Variants in LDB2 observed in about 807,000 individuals in gnomAD.
The protein encoded by LDB2 is LIM domain binding 2.
In LDB2, 12 loss-of-function variants were observed where a neutral mutation model predicts 44.3. That is an observed-to-expected ratio of 0.27 (90% CI 0.17 to 0.44). The LOEUF is 0.44. Ranked by LOEUF, LDB2 falls within the 20% of genes least tolerant of loss-of-function variation. The pLI is 1.00. For missense variants in LDB2, 344 were observed against 473.5 expected (o/e 0.73, Z 2.54); for synonymous variants, 164 against 174.8 (o/e 0.94, Z 0.49).
chr4:16,569,838 A>C (rs1247470016), intron 5 of LDB2, among the ~76,000 whole-genome samples: 1 of 152,142 alleles, frequency 6.6e-6, no homozygotes, highest in African/African-American at 2.4e-5. Context: ...TAGCTGTCTT[A>C]TTTTACAGAT....
intron 5 of LDB2, among the ~76,000 whole-genome samples, chr4:16,545,651 A>G (rs1326080839): frequency 3.3e-5 from 5 of 152,210 alleles, no homozygotes; most frequent in African/African-American, 1.2e-4. Context: ...ATTTGCCAAA[A>G]ATTCATGCAA....
At chr4:16,610,799 T>C (rs1006539124) in intron 2 of LDB2, among the ~76,000 whole-genome samples, 7 of 152,116 alleles carry the variant, frequency 4.6e-5, no homozygotes, top group Non-Finnish European at 7.3e-5. Context: ...CTTCACAATA[T>C]TATCCAGGAG....
intron 2 of LDB2, among the ~76,000 whole-genome samples, chr4:16,693,700 C>G (rs1995615): frequency 0.084 from 12,843 of 152,254 alleles, 740 homozygotes; most frequent in East Asian, 0.2. Flanking sequence ...AAGAGGGACA[C>G]AGTGATGCAG....
At chr4:16,699,559 T>A (rs114747694) in intron 2 of LDB2, among the ~76,000 whole-genome samples, 3,630 of 152,300 alleles carry the variant, frequency 0.024, 155 homozygotes, top group African/African-American at 0.083. Flanking sequence ...AATAGATATA[T>A]ATTCACATGG....
At chr4:16,639,568 T>C (rs1734579658) in intron 2 of LDB2, among the ~76,000 whole-genome samples, 1 of 152,196 alleles carries the variant, frequency 6.6e-6, no homozygotes, top group Non-Finnish European at 1.5e-5. Flanking sequence ...TTCAAGCAAC[T>C]CTATTGCCTC....
In LDB2 at chr4:16,842,428, TAAAA is replaced by T. The variant is rs199547513; in HGVS notation, c.132+55922_132+55925del. 1.2e-4 allele frequency among the ~76,000 whole-genome samples: 18 copies of T among 149,942 alleles called. No individual in the cohort carries two copies. The South Asian group carries it at 3.6e-3, about 30-fold the overall frequency. ...CTTATTCAGTACATTTTCTGTAAAT[TAAAA>T]AAAAAATCCATGCTCTAAACAGTTA... On this transcript the variant is annotated intron_variant, in intron 1 of 7. Transcript: ENST00000304523.
chr4:16,705,563 T>A (rs188068447), intron 2 of LDB2, among the ~76,000 whole-genome samples: 1 of 152,216 alleles, frequency 6.6e-6, no homozygotes, highest in Non-Finnish European at 1.5e-5. Context: ...CCAGCCTGCC[T>A]GCGCTTAGTA....
chr4:16,692,754 G>A (rs542740327), intron 2 of LDB2, among the ~76,000 whole-genome samples: 1 of 152,198 alleles, frequency 6.6e-6, no homozygotes, highest in African/African-American at 2.4e-5. Flanking sequence ...GAAACCATTC[G>A]CAGTCCATGA....
intron 2 of LDB2, among the ~76,000 whole-genome samples, chr4:16,614,572 AG>A (rs1726607724): frequency 8.3e-6 from 1 of 119,972 alleles, no homozygotes; most frequent in East Asian, 3.6e-4. Flanking sequence ...CACATTTACA[AG>A]AAAAAACAAA....
chr4:16,557,301 T>C (rs1351298052), intron 5 of LDB2, among the ~76,000 whole-genome samples: 7 of 152,180 alleles, frequency 4.6e-5, no homozygotes, highest in African/African-American at 1.7e-4. Context: ...GAGTTCCCTT[T>C]CTTAGTCAAA....
chr4:16,586,505 C>A (rs866100624), intron 4 of LDB2, among the ~76,000 whole-genome samples: 2 of 101,678 alleles, frequency 2.0e-5, no homozygotes, highest in East Asian at 3.6e-4. Flanking sequence ...CACACACACA[C>A]ACACACACAC....
At chr4:16,511,738 G>A (rs753633881) in intron 6 of LDB2, among the ~76,000 whole-genome samples, 3 of 152,190 alleles carry the variant, frequency 2.0e-5, no homozygotes, top group Admixed American at 6.5e-5. Context: ...CCTTGAACAC[G>A]TTATTTTACC....
At chr4:16,702,120 G>A (rs1281626509) in intron 2 of LDB2, among the ~76,000 whole-genome samples, 1 of 151,966 alleles carries the variant, frequency 6.6e-6, no homozygotes. Flanking sequence ...AATGAGAGGA[G>A]GAGAAAAAAA....
Position 16,628,569 on chromosome 4 carries a change from CTT to C in LDB2, c.236-32696_236-32695del, listed in dbSNP as rs74474589. The stretch of plus-strand genomic sequence containing the variant: ...CTACCCGTCCTCTGGTGAGTTAAAT[CTT>C]TTTTTTTTTTGTCCTGTACCATTCG... On this transcript the variant is annotated intron_variant, in intron 2 of 7. Coordinates refer to ENST00000304523, the MANE Select transcript of LDB2 (RefSeq NM_001290.5). Among the ~76,000 whole-genome samples the C allele has an allele frequency of 4.8e-5, 7 of 146,068 alleles. No individual in the cohort carries two copies. The East Asian group carries it at 8.0e-4, about 17-fold the overall frequency.
intron 5 of LDB2, among the ~76,000 whole-genome samples, chr4:16,516,245 A>G (rs1723689222): frequency 6.6e-6 from 1 of 152,218 alleles, no homozygotes; most frequent in Admixed American, 6.5e-5. Flanking sequence ...TTCACCTGCA[A>G]AACAATACCC....
intron 2 of LDB2, among the ~76,000 whole-genome samples, chr4:16,693,808 A>G (rs1751453211): frequency 6.6e-6 from 1 of 152,188 alleles, no homozygotes; most frequent in Admixed American, 6.5e-5. Flanking sequence ...GCTGAGGCAC[A>G]TGTTCCAATG....
chr4:16,693,138 T>C lies in LDB2; in HGVS notation c.235+66020A>G, dbSNP rs974688366. Among the ~76,000 whole-genome samples, 4 of 152,164 alleles carry C rather than the reference T, an allele frequency of 2.6e-5. No individual in the cohort carries two copies. In the South Asian group the frequency reaches 8.3e-4, roughly 31 times the overall value. ...GGATATTGGCAGTGGAGACACCATG[T>C]CCTGAGATACACAAGGAGTGAGTCT... On this transcript the variant is annotated intron_variant, in intron 2 of 7. Transcript: ENST00000304523.
intron 2 of LDB2, among the ~76,000 whole-genome samples, chr4:16,743,262 C>T (rs58967178): frequency 6.6e-6 from 1 of 152,006 alleles, no homozygotes. Flanking sequence ...TGCACTCTAG[C>T]CTGGGTGATA....
chr4:16,630,475 G>T (rs1731611598), intron 2 of LDB2, among the ~76,000 whole-genome samples: 1 of 152,128 alleles, frequency 6.6e-6, no homozygotes, highest in African/African-American at 2.4e-5. Flanking sequence ...ACCAGCCACT[G>T]CAAAACATGC....
Sources: gnomAD v4.1 joint callset for allele counts (sites outside exome capture counted in the v4.1 genomes callset) on GRCh38, gnomAD v4.1.1 for gene constraint, MANE v1.5 for transcripts, NCBI Gene and HGNC (gene_info 2026-07-23, HGNC 2026-07-21) for gene names.